Variants in TMEM94 observed in about 807,000 individuals in gnomAD.
TMEM94 encodes transmembrane protein 94.
TMEM94 carries 81 observed loss-of-function variants against 158.6 expected under a neutral mutation model. The ratio of observed to expected loss-of-function variants is 0.51; its 90% CI spans 0.43 to 0.61. The LOEUF is 0.61. TMEM94 is among the 20% of genes least tolerant of loss of function. The pLI is 0.00. For missense variants in TMEM94, 1,435 were observed against 1,762.0 expected (o/e 0.81, Z 3.32); for synonymous variants, 751 against 730.7 (o/e 1.03, Z -0.45).
intron 2 of TMEM94, among the ~76,000 whole-genome samples, chr17:75,480,157 C>T (rs1002980793): frequency 1.3e-5 from 2 of 152,142 alleles, no homozygotes; most frequent in Non-Finnish European, 2.9e-5. Context: ...TTTCGACCCC[C>T]TGCTGGAGAG....
intron 6 of TMEM94, among the ~76,000 whole-genome samples, chr17:75,488,514 T>A (rs904690712): frequency 2.0e-5 from 3 of 152,174 alleles, no homozygotes; most frequent in Admixed American, 6.5e-5. Context: ...ACTCCTGACC[T>A]CAGGTGATCC....
intron 2 of TMEM94, among the ~76,000 whole-genome samples, chr17:75,474,216 T>C (rs2050592825): frequency 6.6e-6 from 1 of 151,864 alleles, no homozygotes; most frequent in Admixed American, 6.6e-5. Flanking sequence ...CTTATAAAGA[T>C]GATCTCAGCC....
In TMEM94 at chr17:75,485,583, G is replaced by C; in HGVS notation, c.144+36G>C. On this transcript the variant is annotated intron_variant, in intron 3 of 31. Transcript: ENST00000314256. This position sits in a 1 kb window ranked among gnomAD's most constrained non-coding sequence, Gnocchi z 5.5. ...TTCTCGGGGCTACCAGGGCCTGGCT[G>C]GGATGGCAGGGAAGTGTGGGAGGCC... The C allele has an allele frequency of 6.2e-7, 1 of 1,613,538 alleles. No individual in the cohort carries two copies. The highest frequency in any genetic ancestry group is 8.5e-7 in the Non-Finnish European group (1 of 1,179,534).
Position 75,499,301 on chromosome 17 carries a change from T to G in TMEM94, c.4038T>G (p.Phe1346Leu), listed in dbSNP as rs1201275928. The G allele has an allele frequency of 3.7e-6, 6 of 1,613,770 alleles. No individual in the cohort carries two copies. The Admixed American group carries it at 8.3e-5, about 22-fold the overall frequency. Residue 1346 changes from phenylalanine to leucine, a missense_variant, in exon 32 of 32, where the codon TTT becomes TTG. Phe to Leu is a conservative substitution (Grantham distance 22). Coordinates refer to ENST00000314256, the MANE Select transcript of TMEM94 (RefSeq NM_014738.6). ...ACCAGAAGCGACAGAAGCTGCAGTT[T>G]GAAACTAAGCTGGGCATGAACTCTC... ...VRYQKRQKLQFETKLGMNSPF is the reference protein window; with the variant it reads ...VRYQKRQKLQLETKLGMNSPF
chr17:75,458,706 A>G (rs1259440024), intron 1 of TMEM94, among the ~76,000 whole-genome samples: 1 of 151,966 alleles, frequency 6.6e-6, no homozygotes, highest in African/African-American at 2.4e-5. Context: ...AAAAAAAAAA[A>G]AAAGAGTCAT....
rs2049905016 is a variant in TMEM94 at position 75,456,771 on chromosome 17, TG to T, written c.-107+22del. The T allele has an allele frequency of 6.6e-6, 1 of 152,158 alleles. No homozygotes were observed. Among genetic ancestry groups the T allele is most frequent in the African/African-American group, 2.4e-5 (1 of 41,400 alleles). The allele number at this position is 152,158 out of a possible 1,614,324, so 9.4% of individuals were successfully genotyped here. A position where few individuals can be genotyped will look rare whatever the true frequency, so the allele number is the denominator to read the frequency against. On this transcript the variant is annotated intron_variant, in intron 1 of 31. Transcript: ENST00000314256. ...GCCCCGGTAAGTACGAGAAGGCCCGTGGCCCGAAAGTGGGGAGCAAGGGGGC... is the reference window on the plus strand; with the variant it reads ...GCCCCGGTAAGTACGAGAAGGCCCGTGCCCGAAAGTGGGGAGCAAGGGGGC...
At chr17:75,459,080 A>G (rs1205415255) in intron 1 of TMEM94, among the ~76,000 whole-genome samples, 1 of 152,092 alleles carries the variant, frequency 6.6e-6, no homozygotes, top group Non-Finnish European at 1.5e-5. Flanking sequence ...CAAAAAAAAC[A>G]AAAACAAATA....
chr17:75,486,540 G>T, intron 5 of TMEM94, 114 bp downstream of exon 5: 1 of 1,297,642 alleles, frequency 7.7e-7, no homozygotes, highest in Non-Finnish European at 1.1e-6. Context: ...AGCATTGCAG[G>T]GGCTCTTGTC....
Position 75,490,778 on chromosome 17 carries a change from T to C in TMEM94, c.1128+20T>C. ...TCTCAGGTACAACACTGACCCGGGA[T>C]GGCTTCTCTCGCAGGTCCCTAGAGC... is the stretch of plus-strand genomic sequence containing the variant. On this transcript the variant is annotated intron_variant, in intron 11 of 31. Transcript: ENST00000314256. 6.2e-7 allele frequency: 1 copy of C among 1,604,828 alleles called. No homozygotes were observed.
Position 75,462,011 on chromosome 17 carries a change from GTT to G in TMEM94, c.-107+5273_-107+5274del, listed in dbSNP as rs1156728166. 2.7e-4 allele frequency among the ~76,000 whole-genome samples: 25 copies of G among 92,886 alleles called. 1 individual carries two copies. Among genetic ancestry groups the G allele is most frequent in the African/African-American group, 7.5e-4 (15 of 19,952 alleles). 60.9% of individuals were successfully genotyped at this position (92,886 alleles called of 152,430 possible). On this transcript the variant is annotated intron_variant, in intron 1 of 31. Coordinates refer to ENST00000314256, the MANE Select transcript of TMEM94 (RefSeq NM_014738.6). ...AGTTTTTTTTGTTTTGTTTTGTTTT[GTT>G]TTTTTTTTTTTTGAGGCAGAGTCTT... is the stretch of plus-strand genomic sequence containing the variant.
chr17:75,475,593 G>A (rs892266149), intron 2 of TMEM94, among the ~76,000 whole-genome samples: 2 of 152,190 alleles, frequency 1.3e-5, no homozygotes, highest in South Asian at 2.1e-4. Context: ...TCAAACTCGC[G>A]GTCCCTGAAT....
intron 2 of TMEM94, among the ~76,000 whole-genome samples, chr17:75,483,161 G>A (rs1250739194): frequency 6.6e-6 from 1 of 152,224 alleles, no homozygotes; most frequent in Non-Finnish European, 1.5e-5. Context: ...CTCGGCTCGT[G>A]TCAGGAGGAG....
intron 2 of TMEM94, chr17:75,476,537 G>T: frequency 6.9e-7 from 1 of 1,439,232 alleles, no homozygotes; most frequent in Non-Finnish European, 9.1e-7. Context: ...TGCTGCGCCT[G>T]ATTCTGTGCA....
chr17:75,477,490 C>T (rs2050766798), intron 2 of TMEM94, among the ~76,000 whole-genome samples: 1 of 152,078 alleles, frequency 6.6e-6, no homozygotes, highest in African/African-American at 2.4e-5. Context: ...CTCAAGCGAT[C>T]CACCCGCCTC....
Position 75,494,754 on chromosome 17 carries a change from C to G in TMEM94, c.2535C>G (p.Val845=). The G allele has an allele frequency of 6.2e-7, 1 of 1,613,704 alleles. No homozygotes were observed. Among genetic ancestry groups the G allele is most frequent in the Non-Finnish European group, 8.5e-7 (1 of 1,180,036 alleles). Reference sequence around the variant, plus strand: ...TCGTGCGCCTCATTGATGGGCTTGTCAACGCCTGCATCCGCTTTGTCTACT... The same window carrying G: ...TCGTGCGCCTCATTGATGGGCTTGTGAACGCCTGCATCCGCTTTGTCTACT... The part of the protein sequence containing the change: ...LDIVRLIDGL[V]NACIRFVYFS... Residue 845 remains valine, a synonymous_variant, in exon 19 of 32, where the codon GTC becomes GTG. Coordinates refer to ENST00000314256, the MANE Select transcript of TMEM94 (RefSeq NM_014738.6).
In TMEM94 at chr17:75,495,337, G is replaced by C; in HGVS notation, c.2782G>C (p.Asp928His). 6.2e-7 allele frequency: 1 copy of C among 1,613,930 alleles called. No homozygotes were observed. The highest frequency in any genetic ancestry group is 8.5e-7 in the Non-Finnish European group (1 of 1,180,006). ...CCTCATGGAGGAGGAGGGCCACTCG[G>C]ACCTCATCAGCTTCCAGCCTACGGA... Reference protein sequence around the residue: ...LLLMEEEGHSDLISFQPTDSD... With the variant: ...LLLMEEEGHSHLISFQPTDSD... The change falls in exon 21 of 32, where the codon GAC becomes CAC. Residue 928 changes from aspartate to histidine, a missense_variant. By Grantham distance (81) the Asp-to-His change is moderately conservative. Transcript: ENST00000314256. The surrounding 1 kb of genome is among the most constrained non-coding windows in gnomAD (Gnocchi z 5.6).
chr17:75,463,008 TAAAAAAAAAAAAA>T (rs1217028321), intron 1 of TMEM94, among the ~76,000 whole-genome samples: 1 of 5,684 alleles, frequency 1.8e-4, no homozygotes, highest in African/African-American at 1.9e-3. Flanking sequence ...ATAAAAAAAG[TAAAAAAAAAAAAA>T]AAAAAAAAAA....
At position 75,495,413 on chromosome 17, in the gene TMEM94, A is replaced by C. The variant is rs773628973; in HGVS notation, c.2844+14A>C. Reference sequence around the variant, plus strand: ...GACTCCAACCGGGTACGATGGCAGGATCTGTCTCACGTGTTCCTGTAGTGG... The same window carrying C: ...GACTCCAACCGGGTACGATGGCAGGCTCTGTCTCACGTGTTCCTGTAGTGG... On this transcript the variant is annotated intron_variant, in intron 21 of 31. Transcript: ENST00000314256. This position sits in a 1 kb window ranked among gnomAD's most constrained non-coding sequence, Gnocchi z 5.6. The C allele has an allele frequency of 1.2e-6, 2 of 1,609,388 alleles. No individual in the cohort carries two copies.
At chr17:75,471,706 T>G in intron 1 of TMEM94, 94 bp from the exon 2 acceptor site, 1 of 526,710 alleles carries the variant, frequency 1.9e-6, no homozygotes, top group Non-Finnish European at 3.4e-6. Flanking sequence ...AGAGTGAGAC[T>G]CCGTCTCAAA....
Sources: allele counts gnomAD v4.1 joint callset (sites outside exome capture counted in the v4.1 genomes callset), GRCh38; gene constraint gnomAD v4.1.1; non-coding constraint Gnocchi (gnomAD v3.1); transcripts MANE v1.5; gene names NCBI Gene and HGNC (gene_info 2026-07-23, HGNC 2026-07-21).